The following FRMD6 variants were observed in gnomAD, a reference collection of about 807,000 sequenced individuals.
The protein encoded by FRMD6 is FERM domain containing 6, also known as FERM domain-containing protein 6.
FRMD6 carries 37 observed loss-of-function variants against 73.2 expected under a neutral mutation model. The observed-to-expected ratio is 0.51, with a 90% CI of 0.39 to 0.66. The LOEUF (loss-of-function observed/expected upper bound fraction) is 0.66. FRMD6 is among the 30% of genes least tolerant of loss of function. FRMD6 has a pLI of 0.00. For missense variants in FRMD6, 714 were observed against 780.5 expected, an observed-to-expected ratio of 0.91 and a Z score of 1.02; for synonymous variants, 273 against 282.2, an observed-to-expected ratio of 0.97 and a Z score of 0.33.
intron 7 of FRMD6, chr14:51,708,485 G>A (rs964990187): frequency 9.4e-6 from 3 of 319,414 alleles, no homozygotes; most frequent in Non-Finnish European, 1.7e-5. Context: ...TTGGCTATAA[G>A]ATGTTAATCT....
the FRMD6 span, among the ~76,000 whole-genome samples, chr14:51,426,446 C>A: frequency 6.6e-5 from 10 of 152,172 alleles, no homozygotes; most frequent in Non-Finnish European, 1.3e-4. Flanking sequence ...TCACTTACAA[C>A]ACATGACTTT....
intron 1 of FRMD6, among the ~76,000 whole-genome samples, chr14:51,688,743 C>A (rs528461217): frequency 1.5e-4 from 23 of 152,240 alleles, no homozygotes; most frequent in African/African-American, 5.1e-4. Context: ...ATATGAAATA[C>A]TAGACACACC....
chr14:51,473,214 T>A, the FRMD6 span, among the ~76,000 whole-genome samples: 2 of 152,166 alleles, frequency 1.3e-5, no homozygotes, highest in Non-Finnish European at 2.9e-5. Context: ...CAATCAGGAT[T>A]TGGCTTTAAA....
chr14:51,607,634 TG>T (rs1473189448), intron 2 of FRMD6, among the ~76,000 whole-genome samples: 3 of 152,226 alleles, frequency 2.0e-5, no homozygotes, highest in Admixed American at 6.5e-5. Context: ...AGGAAGTGGA[TG>T]GTCTTCCAGT....
chr14:51,436,726 G>A, the FRMD6 span: 20 of 537,606 alleles, frequency 3.7e-5, 1 homozygote, highest in South Asian at 3.7e-4. Context: ...ACCTATTACA[G>A]TACTACTTGG....
chr14:51,464,845 G>A, the FRMD6 span, among the ~76,000 whole-genome samples: 2 of 152,132 alleles, frequency 1.3e-5, no homozygotes, highest in African/African-American at 4.8e-5. Context: ...CCTGAAGCAG[G>A]GGGCTGGAGG....
intron 1 of FRMD6, among the ~76,000 whole-genome samples, chr14:51,556,335 C>G (rs939324074): frequency 1.3e-5 from 2 of 152,192 alleles, no homozygotes; most frequent in Non-Finnish European, 2.9e-5. Flanking sequence ...TTTTTCATAT[C>G]AATCACTGAA....
chr14:51,553,802 T>A (rs185844241), intron 1 of FRMD6, among the ~76,000 whole-genome samples: 1 of 151,888 alleles, frequency 6.6e-6, no homozygotes, highest in Non-Finnish European at 1.5e-5. Context: ...GACGGTGGAG[T>A]TTACCGAGCG....
At chr14:51,653,003 C>G (rs1371805196) in intron 1 of FRMD6, among the ~76,000 whole-genome samples, 5 of 152,212 alleles carry the variant, frequency 3.3e-5, no homozygotes, top group Non-Finnish European at 7.3e-5. Context: ...GAAATATTAG[C>G]TCGTTTTCCC....
At chr14:51,609,107 C>A (rs1439243041) in intron 2 of FRMD6, among the ~76,000 whole-genome samples, 3 of 151,916 alleles carry the variant, frequency 2.0e-5, no homozygotes, top group African/African-American at 7.3e-5. Context: ...CATAGTGGTT[C>A]TTAAAAGATG....
chr14:51,723,868 AATAAC>A (rs1172857718), intron 12 of FRMD6, among the ~76,000 whole-genome samples: 1 of 152,158 alleles, frequency 6.6e-6, no homozygotes, highest in Non-Finnish European at 1.5e-5. Flanking sequence ...AACAATATTT[AATAAC>A]ATAAGAAGGA....
chr14:51,642,097 G>C (rs1179009763), intron 2 of FRMD6, among the ~76,000 whole-genome samples: 1 of 152,176 alleles, frequency 6.6e-6, no homozygotes, highest in Admixed American at 6.5e-5. Flanking sequence ...AGTTTGAGGT[G>C]ATTTTGGTGG....
intron 2 of FRMD6, among the ~76,000 whole-genome samples, chr14:51,614,586 A>G (rs1035823601): frequency 2.0e-5 from 3 of 152,174 alleles, no homozygotes; most frequent in African/African-American, 7.2e-5. Flanking sequence ...TCTTTTCCCC[A>G]TGTATTGGTT....
intron 12 of FRMD6, among the ~76,000 whole-genome samples, chr14:51,722,318 A>G (rs1864042392): frequency 6.6e-6 from 1 of 152,188 alleles, no homozygotes; most frequent in African/African-American, 2.4e-5. Flanking sequence ...GCTTTGGACA[A>G]AAGGTAGTTG....
At chr14:51,406,564 T>A in the FRMD6 span, among the ~76,000 whole-genome samples, 1 of 152,186 alleles carries the variant, frequency 6.6e-6, no homozygotes, top group Non-Finnish European at 1.5e-5. Flanking sequence ...TTCCTAGGTA[T>A]TTTAGTCATT....
intron 1 of FRMD6, among the ~76,000 whole-genome samples, chr14:51,511,133 A>C (rs1317927484): frequency 1.3e-5 from 2 of 152,208 alleles, no homozygotes; most frequent in African/African-American, 4.8e-5. Flanking sequence ...ACTAGATAAA[A>C]GTCACTAAAT....
At chr14:51,475,939 A>G in the FRMD6 span, among the ~76,000 whole-genome samples, 2 of 152,156 alleles carry the variant, frequency 1.3e-5, no homozygotes, top group Non-Finnish European at 2.9e-5. Context: ...ATGCTGAACC[A>G]GAGAAGCCCA....
chr14:51,458,837 A>G, the FRMD6 span, among the ~76,000 whole-genome samples: 1 of 152,310 alleles, frequency 6.6e-6, no homozygotes, highest in East Asian at 1.9e-4. Flanking sequence ...TAAGCTGTGT[A>G]GAGGGCTGGT....
the FRMD6 span, among the ~76,000 whole-genome samples, chr14:51,459,623 T>A: frequency 2.6e-5 from 4 of 151,872 alleles, no homozygotes; most frequent in Non-Finnish European, 5.9e-5. Context: ...GTCAGGAGAT[T>A]GAGACCATCC....
Sources: gnomAD v4.1 joint callset for allele counts (sites outside exome capture counted in the v4.1 genomes callset) on GRCh38, gnomAD v4.1.1 for gene constraint, MANE v1.5 for transcripts, NCBI Gene and HGNC (gene_info 2026-07-23, HGNC 2026-07-21) for gene names.